Variants in RNF4 observed in about 807,000 individuals in gnomAD.
RNF4 encodes ring finger protein 4.
A neutral mutation model predicts 24.3 loss-of-function variants in RNF4; 7 were observed. The observed-to-expected ratio is 0.29, with a 90% CI of 0.16 to 0.54. The LOEUF (loss-of-function observed/expected upper bound fraction) is 0.54, where lower values mean the gene tolerates loss of function less well. Ranked by LOEUF, RNF4 falls within the 20% of genes least tolerant of loss-of-function variation. The pLI, the probability that RNF4 is intolerant of heterozygous loss-of-function variation, is 0.95. For synonymous variants in RNF4, 83 were observed against 84.3 expected, an observed-to-expected ratio of 0.98 and a Z score of 0.09; for missense variants, 209 against 248.5, an observed-to-expected ratio of 0.84 and a Z score of 1.07.
At chr4:2,484,763 A>G (rs1735356155) in intron 1 of RNF4, among the ~76,000 whole-genome samples, 2 of 152,114 alleles carry the variant, frequency 1.3e-5, no homozygotes, top group African/African-American at 4.8e-5. Flanking sequence ...CCATCCCGTC[A>G]GTCACCTCTC....
intron 1 of RNF4, among the ~76,000 whole-genome samples, chr4:2,472,184 T>G (rs1734928414): frequency 6.6e-6 from 1 of 152,128 alleles, no homozygotes; most frequent in Non-Finnish European, 1.5e-5. Context: ...CTAGGGCCCT[T>G]AAGAAGTATG....
chr4:2,470,513 C>A (rs1734869956), intron 1 of RNF4, among the ~76,000 whole-genome samples: 1 of 152,180 alleles, frequency 6.6e-6, no homozygotes, highest in Non-Finnish European at 1.5e-5. Flanking sequence ...TTTAACACAT[C>A]GTTTATTGAT....
At chr4:2,481,176 C>T (rs982531104) in intron 1 of RNF4, 10 of 152,204 alleles carry the variant, frequency 6.6e-5, no homozygotes, top group African/African-American at 1.4e-4. Flanking sequence ...GACTGAGGCC[C>T]GCTTCCACAG....
chr4:2,490,127 A>G (rs904572155), intron 1 of RNF4, among the ~76,000 whole-genome samples: 1 of 152,138 alleles, frequency 6.6e-6, no homozygotes, highest in African/African-American at 2.4e-5. Context: ...GAGGTGGCAT[A>G]ATAATTACAA....
chr4:2,469,236 CCGAGCTTTG>C lies in RNF4; in HGVS notation c.-177_-169del. On this transcript the variant is annotated 5_prime_UTR_variant, in exon 1 of 8. Transcript: ENST00000314289. Reference sequence around the variant, plus strand: ...CGGACCTAACTAGCTCCAGGTTAGGCCGAGCTTTGCGGGAAAGCAGCGGTAAGTCAGGGC... The same window carrying C: ...CGGACCTAACTAGCTCCAGGTTAGGCCGGGAAAGCAGCGGTAAGTCAGGGC... 6.6e-6 allele frequency: 1 copy of C among 152,320 alleles called. No homozygotes were observed. The highest frequency in any genetic ancestry group is 1.9e-4 in the East Asian group (1 of 5,146). The allele number at this position is 152,320 out of a possible 1,614,324, so 9.4% of individuals were successfully genotyped here.
At chr4:2,496,701 C>T (rs777871444) in intron 2 of RNF4, among the ~76,000 whole-genome samples, 2 of 152,116 alleles carry the variant, frequency 1.3e-5, no homozygotes, top group African/African-American at 4.8e-5. Flanking sequence ...CCTCATGATT[C>T]GCCCACCTCA....
chr4:2,496,298 A>G (rs915982600), intron 2 of RNF4, among the ~76,000 whole-genome samples: 11 of 152,226 alleles, frequency 7.2e-5, no homozygotes, highest in Non-Finnish European at 1.2e-4. Context: ...GCTAAGAAAC[A>G]AAAAGGGCTC....
chr4:2,488,073 C>G (rs1735465150), intron 1 of RNF4, among the ~76,000 whole-genome samples: 1 of 152,358 alleles, frequency 6.6e-6, no homozygotes, highest in Non-Finnish European at 1.5e-5. Flanking sequence ...TCTCCCCGCC[C>G]TAGATTCTGC....
At chr4:2,508,764 CCA>C (rs1309032612) in intron 4 of RNF4, among the ~76,000 whole-genome samples, 1 of 151,924 alleles carries the variant, frequency 6.6e-6, no homozygotes, top group Non-Finnish European at 1.5e-5. Flanking sequence ...ACATGAGCCA[CCA>C]CATGCCCGGC....
In RNF4 at chr4:2,514,078, A is replaced by G. The variant is rs1028430076; in HGVS notation, c.*259A>G. The G allele has an allele frequency of 2.3e-6, 1 of 435,338 alleles. No individual in the cohort carries two copies. Among genetic ancestry groups the G allele is most frequent in the South Asian group, 4.4e-5 (1 of 22,686 alleles). The allele number at this position is 435,338 out of a possible 1,614,324, so 27.0% of individuals were successfully genotyped here. On this transcript the variant is annotated 3_prime_UTR_variant, in exon 8 of 8. Transcript: ENST00000314289. Reference sequence around the variant, plus strand: ...GAGTGGGAGAAAGGGAGTCAGGCGCATTGGGAATCGTGGTTCCAGTCTGGT... The same window carrying G: ...GAGTGGGAGAAAGGGAGTCAGGCGCGTTGGGAATCGTGGTTCCAGTCTGGT...
rs893318080 is a variant in RNF4 at position 2,512,648 on chromosome 4, G to A, written c.374+51G>A. 1 of 1,595,838 alleles carries A rather than the reference G, an allele frequency of 6.3e-7. No individual in the cohort carries two copies. The highest frequency in any genetic ancestry group is 1.7e-5 in the Admixed American group (1 of 57,802). ...GCCGCCATGCTAGGATGTGGGGCCA[G>A]GGCATGGGAATACTTTTCAGCAAAT... On this transcript the variant is annotated intron_variant, in intron 6 of 7. Transcript: ENST00000314289. This position sits in a 1 kb window ranked among gnomAD's most constrained non-coding sequence, Gnocchi z 4.1.
At chr4:2,482,485 G>A (rs971597281) in intron 1 of RNF4, among the ~76,000 whole-genome samples, 44 of 152,158 alleles carry the variant, frequency 2.9e-4, no homozygotes, top group African/African-American at 1.1e-3. Flanking sequence ...CCGGAGGAGT[G>A]GATCCTTAGG....
intron 3 of RNF4, among the ~76,000 whole-genome samples, chr4:2,499,852 A>G (rs1479859922): frequency 6.6e-6 from 1 of 152,012 alleles, no homozygotes; most frequent in Non-Finnish European, 1.5e-5. Flanking sequence ...TGAGAGATAA[A>G]TGGAAATTAA....
At chr4:2,508,890 G>T (rs1342185393) in intron 4 of RNF4, among the ~76,000 whole-genome samples, 1 of 139,012 alleles carries the variant, frequency 7.2e-6, no homozygotes, top group Admixed American at 7.9e-5. Context: ...GGGATTACAG[G>T]CATGATCCAC....
chr4:2,500,012 G>T (rs571618115), intron 3 of RNF4, among the ~76,000 whole-genome samples: 6 of 152,186 alleles, frequency 3.9e-5, no homozygotes. Flanking sequence ...AACAAAATTA[G>T]CCAGGCATGC....
chr4:2,472,807 G>A (rs184297708), intron 1 of RNF4, among the ~76,000 whole-genome samples: 293 of 149,842 alleles, frequency 2.0e-3, no homozygotes, highest in African/African-American at 6.7e-3. Flanking sequence ...TTTGGGAGGC[G>A]AAGTGGGCGG....
chr4:2,500,566 GC>G (rs1735879262), intron 3 of RNF4, 92 bp from the exon 4 acceptor site: 3 of 1,147,798 alleles, frequency 2.6e-6, no homozygotes, highest in Non-Finnish European at 3.5e-6. Flanking sequence ...TTTGGGGTAA[GC>G]CTATAACATT....
At chr4:2,495,616 C>T (rs1039929328) in intron 2 of RNF4, among the ~76,000 whole-genome samples, 2 of 133,154 alleles carry the variant, frequency 1.5e-5, no homozygotes. Flanking sequence ...GTGACAGGCT[C>T]TGTTGGGAAG....
intron 4 of RNF4, among the ~76,000 whole-genome samples, chr4:2,510,771 G>A (rs1274178566): frequency 1.3e-5 from 2 of 152,216 alleles, no homozygotes; most frequent in Non-Finnish European, 1.5e-5. Context: ...CAGCAAGAGG[G>A]AAAGGGCGTT....
Sources: gnomAD v4.1 joint callset for allele counts (sites outside exome capture counted in the v4.1 genomes callset) on GRCh38, gnomAD v4.1.1 for gene constraint, Gnocchi (gnomAD v3.1) non-coding constraint, MANE v1.5 for transcripts, NCBI Gene and HGNC (gene_info 2026-07-23, HGNC 2026-07-21) for gene names.